PDE4B: variants seen among roughly 807,000 people sequenced by gnomAD.
PDE4B encodes the protein 3',5'-cyclic-AMP phosphodiesterase 4B.
A neutral mutation model predicts 82.2 loss-of-function variants in PDE4B; 20 were observed. The observed-to-expected ratio is 0.24, with a 90% CI of 0.17 to 0.35. PDE4B has a LOEUF of 0.35. Among genes scored for constraint, PDE4B ranks in the 10% least tolerant of loss-of-function variants. PDE4B has a pLI of 1.00. For missense variants in PDE4B, 655 were observed against 907.2 expected, an observed-to-expected ratio of 0.72 and a Z score of 3.57; for synonymous variants, 320 against 318.9, an observed-to-expected ratio of 1.00 and a Z score of -0.04.
At chr1:66,009,556 A>G (rs1033758452) in intron 3 of PDE4B, among the ~76,000 whole-genome samples, 7 of 152,026 alleles carry the variant, frequency 4.6e-5, no homozygotes, top group Non-Finnish European at 8.8e-5. Context: ...TCTACCTATT[A>G]CTTCTCCAAC....
At chr1:66,099,831 G>A (rs555556528) in intron 3 of PDE4B, among the ~76,000 whole-genome samples, 3 of 152,042 alleles carry the variant, frequency 2.0e-5, no homozygotes, top group Non-Finnish European at 4.4e-5. Context: ...ATTTGATTTT[G>A]TATTGATTCA....
intron 3 of PDE4B, among the ~76,000 whole-genome samples, chr1:66,061,428 C>T (rs546988847): frequency 2.6e-5 from 4 of 151,704 alleles, no homozygotes; most frequent in South Asian, 2.1e-4. Flanking sequence ...AAAGACTTCT[C>T]GGTTTCATGA....
intron 1 of PDE4B, among the ~76,000 whole-genome samples, chr1:65,820,945 C>A (rs1487173170): frequency 1.3e-5 from 2 of 152,188 alleles, no homozygotes; most frequent in Admixed American, 6.5e-5. Flanking sequence ...GTAAGTCAGG[C>A]TTAACAGTGC....
chr1:66,363,659 C>G (rs1662998225), intron 12 of PDE4B, 88 bp downstream of exon 12: 1 of 1,065,202 alleles, frequency 9.4e-7, no homozygotes, highest in South Asian at 1.6e-5. Flanking sequence ...TGCCTGTAGT[C>G]CTAGCTACTC....
chr1:65,825,513 G>C (rs1646003358), intron 1 of PDE4B, among the ~76,000 whole-genome samples: 1 of 152,024 alleles, frequency 6.6e-6, no homozygotes, highest in South Asian at 2.1e-4. Flanking sequence ...CATGTTGAAA[G>C]AGTCTACTAT....
chr1:65,822,760 C>T (rs1387795237), intron 1 of PDE4B, among the ~76,000 whole-genome samples: 1 of 152,148 alleles, frequency 6.6e-6, no homozygotes, highest in Non-Finnish European at 1.5e-5. Flanking sequence ...CAGGTACTAT[C>T]TTGGAAACAG....
Position 66,338,015 on chromosome 1 carries a change from C to A in PDE4B, c.747+5395C>A, listed in dbSNP as rs115581512. 7.0e-3 allele frequency among the ~76,000 whole-genome samples: 1,061 copies of A among 152,284 alleles called. 18 individuals carry two copies. The highest frequency in any genetic ancestry group is 0.024 in the African/African-American group (1,009 of 41,558). Reference sequence around the variant, plus strand: ...TATAAAACAAAATAATTGGAAAAGACCCAGCTCTTCAGTTTATTGATTGAA... The same window carrying A: ...TATAAAACAAAATAATTGGAAAAGAACCAGCTCTTCAGTTTATTGATTGAA... On this transcript the variant is annotated intron_variant, in intron 8 of 16. Coordinates refer to ENST00000341517, the MANE Select transcript of PDE4B (RefSeq NM_002600.4).
intron 4 of PDE4B, among the ~76,000 whole-genome samples, chr1:66,253,839 A>G (rs904778025): frequency 6.6e-6 from 1 of 152,184 alleles, no homozygotes; most frequent in Non-Finnish European, 1.5e-5. Flanking sequence ...CAAATTGTTT[A>G]AGGGAACCAA....
chr1:66,114,964 C>T (rs1046322718), intron 3 of PDE4B, among the ~76,000 whole-genome samples: 15 of 152,256 alleles, frequency 9.9e-5, no homozygotes, highest in Admixed American at 7.2e-4. Flanking sequence ...TGAATTTTAT[C>T]CAGTGTCAGA....
intron 1 of PDE4B, among the ~76,000 whole-genome samples, chr1:65,904,133 G>T (rs1647002037): frequency 6.6e-6 from 1 of 152,142 alleles, no homozygotes. Context: ...TTGATGAAGA[G>T]TGTCTGGGGT....
intron 3 of PDE4B, among the ~76,000 whole-genome samples, chr1:66,017,260 C>G (rs949470870): frequency 6.6e-6 from 1 of 152,216 alleles, no homozygotes; most frequent in South Asian, 2.1e-4. Context: ...TAAATGTTTG[C>G]TGAATTTCCC....
Position 65,858,957 on chromosome 1 carries a change from T to A in PDE4B, c.-70-54288T>A, listed in dbSNP as rs189185404. ...GAGCCCTTTACTTCCATTTCAGAGATGTTTGCACTTGGAAGTATATGAATT... is the reference window on the plus strand; with the variant it reads ...GAGCCCTTTACTTCCATTTCAGAGAAGTTTGCACTTGGAAGTATATGAATT... On this transcript the variant is annotated intron_variant, in intron 1 of 16. Coordinates refer to ENST00000341517, the MANE Select transcript of PDE4B (RefSeq NM_002600.4). Among the ~76,000 whole-genome samples, 93 of 152,294 alleles carry A rather than the reference T, an allele frequency of 6.1e-4. 3 individuals carry two copies. The East Asian group carries it at 6.6e-3, about 11-fold the overall frequency.
chr1:65,912,387 C>T (rs970327308), intron 1 of PDE4B, among the ~76,000 whole-genome samples: 3 of 152,122 alleles, frequency 2.0e-5, no homozygotes, highest in Non-Finnish European at 2.9e-5. Flanking sequence ...CTTTTACCCC[C>T]CTCCCACTCT....
intron 3 of PDE4B, among the ~76,000 whole-genome samples, chr1:66,075,366 T>C (rs1191902497): frequency 6.6e-6 from 1 of 151,842 alleles, no homozygotes; most frequent in Non-Finnish European, 1.5e-5. Flanking sequence ...GAGAGTATCA[T>C]TATTGCTGGG....
chr1:66,367,656 T>C, intron 13 of PDE4B, 40 bp from the exon 14 acceptor site: 3 of 1,517,458 alleles, frequency 2.0e-6, no homozygotes, highest in Non-Finnish European at 2.7e-6. Context: ...TCAAATCATA[T>C]CCCTTTTTAA....
At chr1:65,887,188 TTC>T (rs1187842982) in intron 1 of PDE4B, among the ~76,000 whole-genome samples, 37 of 10,484 alleles carry the variant, frequency 3.5e-3, no homozygotes, top group African/African-American at 0.011. Context: ...CCCTCCCTTT[TTC>T]TTTCTTTCTT....
intron 3 of PDE4B, among the ~76,000 whole-genome samples, chr1:66,082,922 G>C (rs1656817083): frequency 6.6e-6 from 1 of 151,926 alleles, no homozygotes; most frequent in Non-Finnish European, 1.5e-5. Context: ...GGAGGCAATG[G>C]GTAGGACAAT....
intron 3 of PDE4B, among the ~76,000 whole-genome samples, chr1:66,209,439 C>T (rs545648445): frequency 2.0e-5 from 3 of 152,186 alleles, no homozygotes; most frequent in Admixed American, 6.5e-5. Flanking sequence ...TGTTTGTCTC[C>T]GAAGTCTATA....
intron 4 of PDE4B, among the ~76,000 whole-genome samples, chr1:66,251,099 C>A (rs912207974): frequency 1.3e-5 from 2 of 152,232 alleles, no homozygotes; most frequent in African/African-American, 4.8e-5. Flanking sequence ...ATCACACTTA[C>A]TAGCACCATG....
Sources: allele counts gnomAD v4.1 joint callset (sites outside exome capture counted in the v4.1 genomes callset), GRCh38; gene constraint gnomAD v4.1.1; transcripts MANE v1.5; gene names NCBI Gene and HGNC (gene_info 2026-07-23, HGNC 2026-07-21).